HS3ST2: variants seen among roughly 807,000 people sequenced by gnomAD.
HS3ST2 encodes the protein heparan sulfate glucosamine 3-O-sulfotransferase 2.
Under a neutral mutation model 26.3 loss-of-function variants are expected in HS3ST2, and 17 were observed. The observed-to-expected ratio is 0.65, with a 90% CI of 0.44 to 0.97. The LOEUF is 0.97. Among genes scored for constraint, HS3ST2 ranks in the 50% least tolerant of loss-of-function variants. The pLI is 0.00. For synonymous variants in HS3ST2, 237 were observed against 219.2 expected (o/e 1.08, Z -0.72); for missense variants, 402 against 501.2 (o/e 0.80, Z 1.89).
intron 1 of HS3ST2, among the ~76,000 whole-genome samples, chr16:22,906,209 A>G (rs952426680): frequency 6.6e-6 from 1 of 152,024 alleles, no homozygotes; most frequent in Non-Finnish European, 1.5e-5. Context: ...ATCTCTACTA[A>G]AAATACAAAA....
In HS3ST2 at chr16:22,915,870, A is replaced by G. The variant is rs1902488852; in HGVS notation, c.*308A>G. 5.6e-6 allele frequency: 2 copies of G among 356,628 alleles called. No individual in the cohort carries two copies. Among genetic ancestry groups the G allele is most frequent in the African/African-American group, 2.1e-5 (1 of 48,064 alleles). 22.1% of individuals were successfully genotyped at this position (356,628 alleles called of 1,614,324 possible). On this transcript the variant is annotated 3_prime_UTR_variant, in exon 2 of 2. Transcript: ENST00000261374. ...TGCTTTAAGAAGAGTGAATGTTCCA[A>G]TGATGATAGATATTATAAGCGATGA...
chr16:22,843,625 C>A (rs191402263), intron 1 of HS3ST2, among the ~76,000 whole-genome samples: 118 of 152,260 alleles, frequency 7.7e-4, no homozygotes, highest in African/African-American at 2.8e-3. Flanking sequence ...CTGGAAGGGT[C>A]CCGAGTGGAT....
chr16:22,858,888 A>G (rs1901639106), intron 1 of HS3ST2, among the ~76,000 whole-genome samples: 1 of 152,250 alleles, frequency 6.6e-6, no homozygotes, highest in South Asian at 2.1e-4. Context: ...ACTTTGGGCC[A>G]GGTGCAGTGG....
At chr16:22,832,276 C>T (rs993807986) in intron 1 of HS3ST2, among the ~76,000 whole-genome samples, 5 of 151,758 alleles carry the variant, frequency 3.3e-5, no homozygotes, top group Non-Finnish European at 5.9e-5. Flanking sequence ...GGATCACAGG[C>T]ATGAGCCACT....
intron 1 of HS3ST2, among the ~76,000 whole-genome samples, chr16:22,844,617 C>T (rs1358346745): frequency 6.6e-6 from 1 of 152,120 alleles, no homozygotes; most frequent in African/African-American, 2.4e-5. Context: ...GCTGGACTTC[C>T]TCCTGGCTGT....
chr16:22,866,319 G>A (rs959962972), intron 1 of HS3ST2, among the ~76,000 whole-genome samples: 7 of 147,774 alleles, frequency 4.7e-5, no homozygotes, highest in East Asian at 4.0e-4. Flanking sequence ...AAGCACGTGC[G>A]CGCGCGCGCA....
At chr16:22,889,314 T>C (rs1902102486) in intron 1 of HS3ST2, among the ~76,000 whole-genome samples, 1 of 152,174 alleles carries the variant, frequency 6.6e-6, no homozygotes. Context: ...GGAGGGAAGT[T>C]GCGAAGGGCA....
At chr16:22,865,677 TTAC>T (rs1901740911) in intron 1 of HS3ST2, among the ~76,000 whole-genome samples, 1 of 152,184 alleles carries the variant, frequency 6.6e-6, no homozygotes, top group African/African-American at 2.4e-5. Flanking sequence ...CTTGTTTATT[TTAC>T]TACTGAGTAA....
At chr16:22,824,533 C>A (rs889817894) in intron 1 of HS3ST2, among the ~76,000 whole-genome samples, 13 of 151,352 alleles carry the variant, frequency 8.6e-5, no homozygotes, top group African/African-American at 3.2e-4. Flanking sequence ...GGTGACAGGG[C>A]GAGACTCCGC....
intron 1 of HS3ST2, among the ~76,000 whole-genome samples, chr16:22,826,182 CA>C (rs1211285824): frequency 6.6e-6 from 1 of 152,130 alleles, no homozygotes; most frequent in Non-Finnish European, 1.5e-5. Context: ...ATTCAGCGGT[CA>C]GACTTACTGA....
intron 1 of HS3ST2, among the ~76,000 whole-genome samples, chr16:22,886,468 T>C (rs372360257): frequency 2.5e-4 from 38 of 152,190 alleles, no homozygotes; most frequent in African/African-American, 7.9e-4. Flanking sequence ...TCACGGAAAA[T>C]AGACAGCGTG....
intron 1 of HS3ST2, among the ~76,000 whole-genome samples, chr16:22,899,950 A>G (rs985252): frequency 0.6 from 90,620 of 152,068 alleles, 27,455 homozygotes; most frequent in East Asian, 0.78. Flanking sequence ...TGGCAATCAG[A>G]TATCTGGAGT....
At chr16:22,855,701 T>C (rs1901584188) in intron 1 of HS3ST2, among the ~76,000 whole-genome samples, 1 of 142,472 alleles carries the variant, frequency 7.0e-6, no homozygotes, top group African/African-American at 2.6e-5. Flanking sequence ...TCTCTGTCTC[T>C]CTCTCTCTCT....
At chr16:22,832,004 A>G (rs116662385) in intron 1 of HS3ST2, among the ~76,000 whole-genome samples, 4,045 of 152,212 alleles carry the variant, frequency 0.027, 171 homozygotes, top group African/African-American at 0.093. Flanking sequence ...TATTTTTTAG[A>G]CAGGATCTCA....
chr16:22,848,877 A>G (rs1395810590), intron 1 of HS3ST2, among the ~76,000 whole-genome samples: 1 of 152,198 alleles, frequency 6.6e-6, no homozygotes, highest in Non-Finnish European at 1.5e-5. Flanking sequence ...TGAGGCCCTT[A>G]GATTGTTTGC....
intron 1 of HS3ST2, among the ~76,000 whole-genome samples, chr16:22,853,231 C>A (rs79935603): frequency 0.022 from 3,353 of 152,286 alleles, 108 homozygotes; most frequent in African/African-American, 0.073. Flanking sequence ...CCTATTCTGT[C>A]TCCTATCACC....
chr16:22,911,312 T>G (rs897137411), intron 1 of HS3ST2, among the ~76,000 whole-genome samples: 15 of 152,188 alleles, frequency 9.9e-5, no homozygotes, highest in Non-Finnish European at 1.5e-4. Flanking sequence ...GATTGTTCAT[T>G]GGGTACAGAG....
At chr16:22,855,220 A>G (rs924813887) in intron 1 of HS3ST2, among the ~76,000 whole-genome samples, 12 of 152,062 alleles carry the variant, frequency 7.9e-5, no homozygotes, top group Admixed American at 7.9e-4. Context: ...TGAGAGTTCT[A>G]TTTGGGTCTG....
intron 1 of HS3ST2, among the ~76,000 whole-genome samples, chr16:22,872,415 C>T (rs1901851062): frequency 6.6e-6 from 1 of 152,122 alleles, no homozygotes; most frequent in East Asian, 1.9e-4. Flanking sequence ...TTTTGTCGGG[C>T]TCATAGGGTA....
Sources: gnomAD v4.1 joint callset for allele counts (sites outside exome capture counted in the v4.1 genomes callset) on GRCh38, gnomAD v4.1.1 for gene constraint, MANE v1.5 for transcripts, NCBI Gene and HGNC (gene_info 2026-07-23, HGNC 2026-07-21) for gene names.